CCM2: variants seen among roughly 807,000 people sequenced by gnomAD.
CCM2 encodes CCM2 scaffold protein.
In CCM2, 25 loss-of-function variants were observed where a neutral mutation model predicts 44.9. That is an observed-to-expected ratio of 0.56 (90% CI 0.41 to 0.78). The LOEUF is 0.78. Among genes scored for constraint, CCM2 ranks in the 30% least tolerant of loss-of-function variants. The probability of loss-of-function intolerance (pLI) is 0.00; values close to 1 mark genes in which losing one functional copy is unlikely to be tolerated. For missense variants in CCM2, 481 were observed against 580.6 expected (o/e 0.83, Z 1.76); for synonymous variants, 219 against 241.1 (o/e 0.91, Z 0.85).
In CCM2 at chr7:45,064,481, G is replaced by C; in HGVS notation, c.307G>C (p.Gly103Arg). ...CTTCCAGAGAGCCCACCAGCTTCCGGGACACTTGACTCAGGAGCACGATGC... is the reference window on the plus strand; with the variant it reads ...CTTCCAGAGAGCCCACCAGCTTCCGCGACACTTGACTCAGGAGCACGATGC... ...DNAKRAHQLP[G>R]HLTQEHDAVL... Residue 103 changes from glycine (G) to arginine (R), a missense_variant, in exon 4 of 10, where the codon GGA becomes CGA. Physicochemically the swap from Gly to Arg is moderately radical, Grantham distance 125. Coordinates refer to ENST00000258781, the MANE Select transcript of CCM2 (RefSeq NM_031443.4). 1.2e-5 allele frequency: 19 copies of C among 1,613,348 alleles called. No individual in the cohort carries two copies. The highest frequency in any genetic ancestry group is 1.5e-5 in the Non-Finnish European group (18 of 1,179,866).
intron 1 of CCM2, among the ~76,000 whole-genome samples, chr7:45,008,658 G>A (rs1032494076): frequency 6.6e-6 from 1 of 152,102 alleles, no homozygotes; most frequent in Admixed American, 6.6e-5. Context: ...CACCGCACCC[G>A]GCCAAGGGTA....
chr7:45,074,156 G>A (rs1265811397), intron 8 of CCM2, 114 bp from the exon 9 acceptor site: 2 of 1,572,530 alleles, frequency 1.3e-6, no homozygotes, highest in Non-Finnish European at 1.7e-6. Flanking sequence ...GTGCAGAGGT[G>A]AAGCCAGAGA....
At chr7:45,016,582 A>G (rs953456667) in intron 1 of CCM2, among the ~76,000 whole-genome samples, 29 of 150,436 alleles carry the variant, frequency 1.9e-4, no homozygotes, top group African/African-American at 6.1e-4. Context: ...CACCCGCCTC[A>G]GCCTCCCAAA....
At chr7:45,074,149 C>T (rs189981223) in intron 8 of CCM2, 121 bp from the exon 9 acceptor site, 2 of 1,561,062 alleles carry the variant, frequency 1.3e-6, no homozygotes, top group Non-Finnish European at 1.7e-6. Context: ...CCAGCCTGTG[C>T]AGAGGTGAAG....
In CCM2 at chr7:45,076,291, A is replaced by G. The variant is rs1426440752; in HGVS notation, c.*234A>G. ...TGCCTTGTCCACCAGGGCTCAGCCA[A>G]GCCCTGCAGTGTGTCCCCGCTCGGG... On this transcript the variant is annotated 3_prime_UTR_variant, in exon 10 of 10. Transcript: ENST00000258781. 7.1e-6 allele frequency: 5 copies of G among 700,180 alleles called. No individual in the cohort carries two copies. The highest frequency in any genetic ancestry group is 6.0e-5 in the South Asian group (4 of 66,888). The allele number at this position is 700,180 out of a possible 1,614,324, so 43.4% of individuals were successfully genotyped here.
intron 4 of CCM2, among the ~76,000 whole-genome samples, chr7:45,065,320 C>T (rs960800573): frequency 6.6e-6 from 1 of 152,222 alleles, no homozygotes; most frequent in East Asian, 1.9e-4. Flanking sequence ...TTCGCCCTAC[C>T]TGTATTTTGC....
At chr7:45,038,664 T>G (rs1244603318) in intron 2 of CCM2, among the ~76,000 whole-genome samples, 1 of 152,248 alleles carries the variant, frequency 6.6e-6, no homozygotes, top group Non-Finnish European at 1.5e-5. Context: ...CTTCTTTCTC[T>G]CGAAGACTTG....
At position 45,029,410 on chromosome 7, in the gene CCM2, G is replaced by A. The variant is rs151121814; in HGVS notation, c.31-8843G>A. ...AGAGACATGCTGGGTACTGCTCAGT[G>A]TGACTAAGTGTTCTTCTCTTTCTTC... On this transcript the variant is annotated intron_variant, in intron 1 of 9. Transcript: ENST00000258781. 5 of 152,298 alleles carry A rather than the reference G, an allele frequency of 3.3e-5. No homozygotes were observed. In the East Asian group the frequency reaches 7.7e-4, roughly 23 times the overall value. The allele number at this position is 152,298 out of a possible 1,614,324, so 9.4% of individuals were successfully genotyped here.
intron 2 of CCM2, among the ~76,000 whole-genome samples, chr7:45,062,826 C>CA (rs11326276): frequency 0.46 from 62,823 of 138,062 alleles, 13,974 homozygotes; most frequent in African/African-American, 0.54. Flanking sequence ...GACCCTGTCT[C>CA]AAAAAAAAAA....
At chr7:45,049,269 T>G (rs1432400884) in intron 2 of CCM2, among the ~76,000 whole-genome samples, 4 of 152,248 alleles carry the variant, frequency 2.6e-5, no homozygotes, top group Non-Finnish European at 5.9e-5. Context: ...TATTTATTTT[T>G]ATCTAATTGA....
intron 4 of CCM2, among the ~76,000 whole-genome samples, chr7:45,066,141 A>T (rs140138282): frequency 1.3e-5 from 2 of 152,128 alleles, no homozygotes; most frequent in African/African-American, 4.8e-5. Flanking sequence ...ACTTTCCAAA[A>T]TTAGATGAAA....
intron 1 of CCM2, among the ~76,000 whole-genome samples, chr7:45,023,818 T>G (rs1457831716): frequency 1.6e-4 from 23 of 144,542 alleles, no homozygotes; most frequent in African/African-American, 2.8e-4. Flanking sequence ...TTTTTTTTTT[T>G]TTTTTTTATG....
At position 45,076,272 on chromosome 7, in the gene CCM2, GTC is replaced by G. The variant is rs772805231; in HGVS notation, c.*216_*217del. On this transcript the variant is annotated 3_prime_UTR_variant, in exon 10 of 10. Transcript: ENST00000258781. ...TGCGGGGTGGAAGGCTCTTTGCCTT[GTC>G]CACCAGGGCTCAGCCAAGCCCTGCA... 11 of 733,088 alleles carry G rather than the reference GTC, an allele frequency of 1.5e-5. No individual in the cohort carries two copies. The highest frequency in any genetic ancestry group is 1.3e-4 in the South Asian group (9 of 67,434). 45.4% of individuals were successfully genotyped at this position (733,088 alleles called of 1,614,324 possible). A position where few individuals can be genotyped will look rare whatever the true frequency, so the allele number is the denominator to read the frequency against.
intron 1 of CCM2, among the ~76,000 whole-genome samples, chr7:45,023,363 A>G (rs1394337021): frequency 6.6e-6 from 1 of 152,178 alleles, no homozygotes; most frequent in Non-Finnish European, 1.5e-5. Flanking sequence ...CAGCCTGGCC[A>G]ACATGGCGAA....
intron 1 of CCM2, among the ~76,000 whole-genome samples, chr7:45,030,273 CAT>C (rs999167916): frequency 3.9e-5 from 6 of 152,216 alleles, no homozygotes; most frequent in Admixed American, 3.9e-4. Flanking sequence ...GATGAACAGG[CAT>C]ACTCAATCAA....
At chr7:45,041,917 C>T (rs1191614001) in intron 2 of CCM2, among the ~76,000 whole-genome samples, 2 of 152,116 alleles carry the variant, frequency 1.3e-5, no homozygotes, top group African/African-American at 2.4e-5. Context: ...CCAGCAGTAA[C>T]GAGGAAGGAG....
chr7:45,051,630 A>T (rs1798013528), intron 2 of CCM2, among the ~76,000 whole-genome samples: 1 of 128,916 alleles, frequency 7.8e-6, no homozygotes, highest in African/African-American at 3.0e-5. Context: ...GCATGATCTC[A>T]GCTCACTGCA....
chr7:45,040,501 C>G (rs543256007), intron 2 of CCM2, among the ~76,000 whole-genome samples: 1 of 151,744 alleles, frequency 6.6e-6, no homozygotes, highest in Non-Finnish European at 1.5e-5. Flanking sequence ...CATCTGACTC[C>G]CAAGAAAAAA....
rs768732025 is a variant in CCM2, at chr7:45,064,594, C to T, written c.420C>T (p.Ala140=). Residue 140 remains alanine (A), a synonymous_variant, in exon 4 of 10, where the codon GCC becomes GCT. Transcript: ENST00000258781. The part of the protein sequence containing the change: ...IILRVPIHDI[A]AVSYVRDDAA... The stretch of plus-strand genomic sequence containing the variant: ...TCAGGGTGCCCATCCATGACATCGC[C>T]GCCGTCTCCTATGTTCGGGATGACG... The T allele has an allele frequency of 1.7e-5, 27 of 1,613,890 alleles. No individual in the cohort carries two copies. Among genetic ancestry groups the T allele is most frequent in the South Asian group, 4.4e-5 (4 of 91,072 alleles).
Sources: gnomAD v4.1 joint callset for allele counts (sites outside exome capture counted in the v4.1 genomes callset) on GRCh38, gnomAD v4.1.1 for gene constraint, MANE v1.5 for transcripts, NCBI Gene and HGNC (gene_info 2026-07-23, HGNC 2026-07-21) for gene names.